Variants in CERT1 observed in about 807,000 individuals in gnomAD.
CERT1 encodes ceramide transporter 1.
CERT1 carries 31 observed loss-of-function variants against 87.9 expected under a neutral mutation model. That is an observed-to-expected ratio of 0.35 (90% CI 0.27 to 0.48). The LOEUF (loss-of-function observed/expected upper bound fraction) is 0.48. Ranked by LOEUF, CERT1 falls within the 20% of genes least tolerant of loss-of-function variation. The probability of loss-of-function intolerance (pLI) is 0.99; values close to 1 mark genes in which losing one functional copy is unlikely to be tolerated. For synonymous variants in CERT1, 289 were observed against 250.9 expected, an observed-to-expected ratio of 1.15 and a Z score of -1.44; for missense variants, 487 against 758.0, an observed-to-expected ratio of 0.64 and a Z score of 4.20.
chr5:75,374,695 G>C (rs1189978895), downstream of CERT1: 1 of 608,658 alleles, frequency 1.6e-6, no homozygotes, highest in Non-Finnish European at 3.1e-6. Flanking sequence ...TGTGAGTTGT[G>C]CAACTCACAA....
intron 14 of CERT1, among the ~76,000 whole-genome samples, chr5:75,382,520 T>C (rs1013621976): frequency 1.3e-5 from 2 of 152,004 alleles, no homozygotes; most frequent in Non-Finnish European, 2.9e-5. Context: ...AAAGACTTAT[T>C]TGAATCAAAT....
intron 3 of CERT1, among the ~76,000 whole-genome samples, chr5:75,440,610 A>C (rs1764282413): frequency 6.6e-6 from 1 of 152,144 alleles, no homozygotes; most frequent in Non-Finnish European, 1.5e-5. Flanking sequence ...GAATAGGCAA[A>C]ATGCTAAAGT....
intron 2 of CERT1, among the ~76,000 whole-genome samples, chr5:75,479,602 C>T (rs1246302093): frequency 6.6e-6 from 1 of 152,166 alleles, no homozygotes; most frequent in East Asian, 1.9e-4. Context: ...ATCCACGTTC[C>T]TGCAAAAGAC....
At chr5:75,424,286 T>C (rs1763505598) in intron 5 of CERT1, among the ~76,000 whole-genome samples, 1 of 151,944 alleles carries the variant, frequency 6.6e-6, no homozygotes, top group Non-Finnish European at 1.5e-5. Context: ...AGGGAGAGAC[T>C]GAGAGAGAGA....
chr5:75,368,914 A>C (rs1760986472), intron 17 of CERT1: 1 of 151,502 alleles, frequency 6.6e-6, no homozygotes, highest in South Asian at 2.1e-4. Context: ...CGTAAGTTGA[A>C]AACTTTTTTT....
chr5:75,490,690 G>A (rs1185147169), intron 2 of CERT1, among the ~76,000 whole-genome samples: 1 of 151,838 alleles, frequency 6.6e-6, no homozygotes, highest in Non-Finnish European at 1.5e-5. Context: ...AGTAGAGATG[G>A]GATTTCACCA....
intron 2 of CERT1, among the ~76,000 whole-genome samples, chr5:75,487,082 A>T (rs1034876944): frequency 8.5e-5 from 13 of 152,156 alleles, no homozygotes; most frequent in Admixed American, 7.9e-4. Context: ...ACTTCAAATT[A>T]TACTACAGAG....
intron 2 of CERT1, among the ~76,000 whole-genome samples, chr5:75,490,132 T>G (rs1766712726): frequency 6.6e-6 from 1 of 151,892 alleles, no homozygotes; most frequent in Admixed American, 6.6e-5. Context: ...CACTTAGAAG[T>G]GGGAGGTAAA....
At chr5:75,394,828 T>G (rs563102559) in intron 11 of CERT1, among the ~76,000 whole-genome samples, 1 of 152,312 alleles carries the variant, frequency 6.6e-6, no homozygotes, top group Non-Finnish European at 1.5e-5. Context: ...AGGAAATAAT[T>G]AGATAAGGGT....
chr5:75,451,842 C>A (rs1210675699), intron 3 of CERT1, among the ~76,000 whole-genome samples: 1 of 152,004 alleles, frequency 6.6e-6, no homozygotes, highest in Non-Finnish European at 1.5e-5. Context: ...TTAGAAAAAA[C>A]ACAGCAAATC....
chr5:75,435,105 A>AT (rs1196451387), intron 3 of CERT1, among the ~76,000 whole-genome samples: 1 of 151,932 alleles, frequency 6.6e-6, no homozygotes, highest in Non-Finnish European at 1.5e-5. Context: ...ATGTAGGCAT[A>AT]TTTTTTGGAG....
At chr5:75,398,497 C>T (rs1201204804) in intron 11 of CERT1, among the ~76,000 whole-genome samples, 1 of 152,060 alleles carries the variant, frequency 6.6e-6, no homozygotes, top group Non-Finnish European at 1.5e-5. Context: ...TCATTCTGAC[C>T]AGAGTGCTCA....
At chr5:75,380,165 G>A (rs1020098592) in intron 16 of CERT1, among the ~76,000 whole-genome samples, 3 of 152,158 alleles carry the variant, frequency 2.0e-5, no homozygotes, top group African/African-American at 7.2e-5. Context: ...GATGAGAGAG[G>A]TTGCAATGAT....
At chr5:75,372,839 T>C (rs1221941196), downstream of CERT1, 1 of 152,212 alleles carries the variant, frequency 6.6e-6, no homozygotes, top group African/African-American at 2.4e-5. Context: ...CTTTACAAAA[T>C]GGGTCTGATT....
chr5:75,376,473 T>C (rs1439617861), downstream of CERT1: 1 of 152,194 alleles, frequency 6.6e-6, no homozygotes, highest in East Asian at 1.9e-4. Context: ...CTAGAGGCCA[T>C]GGCAAAGAGA....
chr5:75,511,169 C>T lies in CERT1; in HGVS notation c.39G>A (p.Glu13=), dbSNP rs1025491302. ...DNQSWNSSGS[E]EDPETESGPP... ...GCCCAGACTCCGTCTCTGGATCCTCCTCCGAGCCCGACGAGTTCCAGCTCT... is the reference window on the plus strand; with the variant it reads ...GCCCAGACTCCGTCTCTGGATCCTCTTCCGAGCCCGACGAGTTCCAGCTCT... Residue 13 remains glutamate (E), a synonymous_variant, in exon 1 of 17, where the codon GAG becomes GAA. Transcript: ENST00000643780. 3.1e-6 allele frequency: 5 copies of T among 1,612,314 alleles called. No individual in the cohort carries two copies. The highest frequency in any genetic ancestry group is 2.5e-6 in the Non-Finnish European group (3 of 1,179,514).
At chr5:75,479,009 A>G (rs1766106169) in intron 2 of CERT1, among the ~76,000 whole-genome samples, 1 of 151,218 alleles carries the variant, frequency 6.6e-6, no homozygotes, top group Non-Finnish European at 1.5e-5. Flanking sequence ...ATCTAGGACA[A>G]TTTTGATCAT....
chr5:75,457,777 T>C (rs1444175829), intron 3 of CERT1, among the ~76,000 whole-genome samples: 4 of 151,938 alleles, frequency 2.6e-5, no homozygotes, highest in Non-Finnish European at 5.9e-5. Flanking sequence ...GGTGTGTGTG[T>C]GTGTTTTGTG....
chr5:75,377,445 C>T (rs144778565), downstream of CERT1: 2 of 152,318 alleles, frequency 1.3e-5, no homozygotes, highest in African/African-American at 4.8e-5. Context: ...TATGACACTG[C>T]TCTGGCAGAA....
Sources: allele counts gnomAD v4.1 joint callset (sites outside exome capture counted in the v4.1 genomes callset), GRCh38; gene constraint gnomAD v4.1.1; transcripts MANE v1.5; gene names NCBI Gene and HGNC (gene_info 2026-07-23, HGNC 2026-07-21).